The following SLC4A4 variants were observed in gnomAD, a reference collection of about 807,000 sequenced individuals.
SLC4A4 encodes solute carrier family 4 member 4, also known as electrogenic sodium bicarbonate cotransporter 1.
SLC4A4 carries 27 observed loss-of-function variants against 111.5 expected under a neutral mutation model. The ratio of observed to expected loss-of-function variants is 0.24; its 90% CI spans 0.18 to 0.33. The LOEUF is 0.33. Ranked by LOEUF, SLC4A4 falls within the 10% of genes least tolerant of loss-of-function variation. SLC4A4 has a pLI of 1.00. For synonymous variants in SLC4A4, 443 were observed against 463.4 expected, an observed-to-expected ratio of 0.96 and a Z score of 0.57; for missense variants, 909 against 1,315.5, an observed-to-expected ratio of 0.69 and a Z score of 4.78.
chr4:71,436,336 C>G (rs1197205683), intron 7 of SLC4A4, among the ~76,000 whole-genome samples: 1 of 152,102 alleles, frequency 6.6e-6, no homozygotes, highest in South Asian at 2.1e-4. Flanking sequence ...CATGTTCTCA[C>G]TCGTAAGTGG....
chr4:71,420,433 C>T (rs1324094766), intron 7 of SLC4A4, among the ~76,000 whole-genome samples: 1 of 152,110 alleles, frequency 6.6e-6, no homozygotes, highest in African/African-American at 2.4e-5. Context: ...TCCAGGAGAA[C>T]TTCCCCAATC....
chr4:71,502,006 G>C (rs192678149), intron 16 of SLC4A4, among the ~76,000 whole-genome samples: 62 of 152,198 alleles, frequency 4.1e-4, no homozygotes, highest in African/African-American at 1.4e-3. Context: ...CTGTTGCCCA[G>C]GCTAGAGAGC....
intron 2 of SLC4A4, among the ~76,000 whole-genome samples, chr4:71,141,479 CT>C (rs1699494091): frequency 6.6e-6 from 1 of 152,124 alleles, no homozygotes; most frequent in African/African-American, 2.4e-5. Flanking sequence ...TGTATTTCTC[CT>C]TTTGGGCATG....
chr4:71,239,414 G>T (rs1013284903), intron 2 of SLC4A4, among the ~76,000 whole-genome samples: 10 of 152,094 alleles, frequency 6.6e-5, no homozygotes, highest in Non-Finnish European at 8.8e-5. Context: ...GGGGTGATTG[G>T]AGTCAGCTCA....
intron 1 of SLC4A4, among the ~76,000 whole-genome samples, chr4:71,083,669 C>T (rs980142517): frequency 2.0e-5 from 3 of 151,932 alleles, no homozygotes; most frequent in African/African-American, 7.3e-5. Context: ...GGTGGAGATG[C>T]TGTGCCTGGG....
At chr4:71,442,242 T>C (rs1724792966) in intron 8 of SLC4A4, among the ~76,000 whole-genome samples, 1 of 152,214 alleles carries the variant, frequency 6.6e-6, no homozygotes, top group South Asian at 2.1e-4. Context: ...GTGTCCTGCT[T>C]ATCATTTCTT....
chr4:71,478,302 T>A (rs1042359235), intron 14 of SLC4A4, among the ~76,000 whole-genome samples: 6 of 151,852 alleles, frequency 4.0e-5, no homozygotes, highest in Non-Finnish European at 7.4e-5. Context: ...TAAGGACACA[T>A]GCATAAGTGT....
At chr4:71,500,585 G>T (rs1730827788) in intron 16 of SLC4A4, among the ~76,000 whole-genome samples, 1 of 152,138 alleles carries the variant, frequency 6.6e-6, no homozygotes, top group African/African-American at 2.4e-5. Context: ...CTCCCAAAGT[G>T]CCGGGATTAC....
intron 14 of SLC4A4, among the ~76,000 whole-genome samples, chr4:71,480,774 C>T (rs920285377): frequency 6.6e-6 from 1 of 151,742 alleles, no homozygotes; most frequent in African/African-American, 2.4e-5. Context: ...ATCAGTGCCA[C>T]ATAGCTGTAA....
intron 1 of SLC4A4, among the ~76,000 whole-genome samples, chr4:71,201,377 C>G (rs1323463895): frequency 6.6e-6 from 1 of 152,174 alleles, no homozygotes; most frequent in African/African-American, 2.4e-5. Context: ...TCAGACGGCT[C>G]TCTTTGGCTA....
intron 2 of SLC4A4, among the ~76,000 whole-genome samples, chr4:71,097,259 G>A (rs1487183289): frequency 6.6e-6 from 1 of 152,132 alleles, no homozygotes; most frequent in Non-Finnish European, 1.5e-5. Context: ...CCAGTTACAA[G>A]TGAGGACACG....
intron 8 of SLC4A4, among the ~76,000 whole-genome samples, chr4:71,443,083 A>ACTCTCTCTCTCTCTCTCTCTCTCT (rs1180993467): frequency 3.2e-5 from 1 of 31,450 alleles, no homozygotes; most frequent in African/African-American, 1.9e-4. Flanking sequence ...AGAGGCCACT[A>ACTCTCTCTCTCTCTCTCTCTCTCT]CTCTCTCTCT....
intron 24 of SLC4A4, among the ~76,000 whole-genome samples, chr4:71,564,970 G>T (rs915507915): frequency 8.6e-5 from 13 of 151,724 alleles, no homozygotes; most frequent in Admixed American, 7.9e-4. Context: ...TGCCGTCAGA[G>T]CTGTCAAGCT....
intron 7 of SLC4A4, among the ~76,000 whole-genome samples, chr4:71,431,622 A>G (rs2149042140): frequency 6.6e-6 from 1 of 152,196 alleles, no homozygotes; most frequent in South Asian, 2.1e-4. Flanking sequence ...CATAATATTT[A>G]TTACAGCTGA....
chr4:71,489,923 T>C (rs746477572), intron 15 of SLC4A4, among the ~76,000 whole-genome samples: 2 of 151,692 alleles, frequency 1.3e-5, no homozygotes, highest in African/African-American at 2.4e-5. Context: ...TTCATGGTGG[T>C]AGGGATATGT....
intron 1 of SLC4A4, among the ~76,000 whole-genome samples, chr4:71,068,829 A>C (rs1052174161): frequency 6.6e-6 from 1 of 152,192 alleles, no homozygotes; most frequent in African/African-American, 2.4e-5. Flanking sequence ...GGCTTCCCAA[A>C]GTGTTGGGAT....
rs1283449471 is a variant in SLC4A4, at chr4:71,106,802, T to C, written c.-2+14010T>C. 1.1e-4 allele frequency among the ~76,000 whole-genome samples: 15 copies of C among 136,248 alleles called. No individual in the cohort carries two copies. The Middle Eastern group carries it at 0.014, about 129-fold the overall frequency. The allele number at this position is 136,248 out of a possible 152,430, so 89.4% of individuals were successfully genotyped here. ...GTGGGGGGAGGGGGGAGGGATAGCATTGGGAGATATACCTAATGCTAGATG... is the reference window on the plus strand; with the variant it reads ...GTGGGGGGAGGGGGGAGGGATAGCACTGGGAGATATACCTAATGCTAGATG... On this transcript the variant is annotated intron_variant, in intron 2 of 26. Transcript: ENST00000649996.
At chr4:71,216,154 C>T (rs1333682124) in intron 1 of SLC4A4, among the ~76,000 whole-genome samples, 2 of 152,100 alleles carry the variant, frequency 1.3e-5, no homozygotes, top group Non-Finnish European at 2.9e-5. Context: ...AGTGATCCAC[C>T]CACCTTGGCC....
Position 71,105,122 on chromosome 4 carries a change from C to T in SLC4A4, c.-2+12330C>T, listed in dbSNP as rs1326687587. Among the ~76,000 whole-genome samples, 103 of 136,430 alleles carry T rather than the reference C, an allele frequency of 7.5e-4. 2 individuals are homozygous for T. The highest frequency in any genetic ancestry group is 3.1e-3 in the African/African-American group (101 of 32,874). 89.5% of individuals were successfully genotyped at this position (136,430 alleles called of 152,430 possible). A position where few individuals can be genotyped will look rare whatever the true frequency, so the allele number is the denominator to read the frequency against. ...AAAAATCACAAGCATTCTTATACAC[C>T]AACAACAGACAGACAGAGAGCCAAA... On this transcript the variant is annotated intron_variant, in intron 2 of 26. Coordinates refer to the SLC4A4 transcript ENST00000649996.
Sources: gnomAD v4.1 joint callset for allele counts (sites outside exome capture counted in the v4.1 genomes callset) on GRCh38, gnomAD v4.1.1 for gene constraint, MANE v1.5 for transcripts, NCBI Gene and HGNC (gene_info 2026-07-23, HGNC 2026-07-21) for gene names.